Variants in GCFC2 observed in about 807,000 individuals in gnomAD.
The protein encoded by GCFC2 is intron Large complex component GCFC2.
A neutral mutation model predicts 99.4 loss-of-function variants in GCFC2; 102 were observed. The ratio of observed to expected loss-of-function variants is 1.03; its 90% CI spans 0.87 to 1.21. The LOEUF (loss-of-function observed/expected upper bound fraction) is 1.21, where lower values mean the gene tolerates loss of function less well. GCFC2 is among the 50% of genes most tolerant of loss of function. The pLI is 0.00. For missense variants in GCFC2, 973 were observed against 920.9 expected, an observed-to-expected ratio of 1.06 and a Z score of -0.73; for synonymous variants, 338 against 316.8, an observed-to-expected ratio of 1.07 and a Z score of -0.71.
At position 75,673,647 on chromosome 2, in the gene GCFC2, A is replaced by G. The variant is rs1011561923; in HGVS notation, c.1813-127T>C. The G allele has an allele frequency of 4.4e-5, 27 of 613,306 alleles. No individual in the cohort carries two copies. The East Asian group carries it at 7.3e-4, about 17-fold the overall frequency. The allele number at this position is 613,306 out of a possible 1,614,324, so 38.0% of individuals were successfully genotyped here. A position where few individuals can be genotyped will look rare whatever the true frequency, so the allele number is the denominator to read the frequency against. On this transcript the variant is annotated intron_variant, in intron 12 of 16. Transcript: ENST00000321027. ...TAACCAGCTGTTAAAATAACTATCA[A>G]TTGGGTACAAAAAAAACCTTATTTA...
intron 1 of GCFC2, among the ~76,000 whole-genome samples, chr2:75,709,537 T>TG (rs1307149697): frequency 6.6e-6 from 1 of 151,968 alleles, no homozygotes; most frequent in Non-Finnish European, 1.5e-5. Flanking sequence ...AGTCGAGTAG[T>TG]GGTTAGAAGG....
intron 13 of GCFC2, among the ~76,000 whole-genome samples, chr2:75,673,176 G>A (rs1002844555): frequency 2.6e-5 from 4 of 152,138 alleles, no homozygotes; most frequent in South Asian, 2.1e-4. Context: ...CGGGCGTGGT[G>A]GCGGGCGCCT....
intron 14 of GCFC2, among the ~76,000 whole-genome samples, chr2:75,671,690 A>T (rs1347065678): frequency 6.6e-6 from 1 of 152,160 alleles, no homozygotes; most frequent in Admixed American, 6.5e-5. Context: ...TTTAAACAAA[A>T]TATTTTGTAC....
intron 4 of GCFC2, among the ~76,000 whole-genome samples, chr2:75,700,714 T>C (rs1325238483): frequency 6.6e-6 from 1 of 152,176 alleles, no homozygotes; most frequent in Non-Finnish European, 1.5e-5. Context: ...TAAGATAATA[T>C]GCACAGTGTA....
chr2:75,684,612 G>A (rs747145892), intron 11 of GCFC2, among the ~76,000 whole-genome samples: 1 of 152,230 alleles, frequency 6.6e-6, no homozygotes, highest in Non-Finnish European at 1.5e-5. Context: ...TGGTGGGACT[G>A]TAAACTAGTT....
chr2:75,710,871 GC>G lies in GCFC2; in HGVS notation c.-17del. 6.5e-7 allele frequency: 1 copy of G among 1,535,324 alleles called. No homozygotes were observed. The highest frequency in any genetic ancestry group is 1.2e-5 in the South Asian group (1 of 84,910). On this transcript the variant is annotated 5_prime_UTR_variant, in exon 1 of 17. Transcript: ENST00000321027. Reference sequence around the variant, plus strand: ...TGTGAGCCATGGCCGAGGCCCGAGCGCCCGGCGCCCTAGAACCCGCTGAACC... The same window carrying G: ...TGTGAGCCATGGCCGAGGCCCGAGCGCCGGCGCCCTAGAACCCGCTGAACC...
At chr2:75,665,312 A>G (rs2104170862) in intron 16 of GCFC2, among the ~76,000 whole-genome samples, 1 of 152,148 alleles carries the variant, frequency 6.6e-6, no homozygotes, top group Non-Finnish European at 1.5e-5. Flanking sequence ...CACCATGCCT[A>G]GCTAATTTTT....
At chr2:75,692,797 G>A (rs983920519) in intron 6 of GCFC2, among the ~76,000 whole-genome samples, 2 of 152,078 alleles carry the variant, frequency 1.3e-5, no homozygotes, top group East Asian at 1.9e-4. Context: ...GTAGGTGGGG[G>A]CACTCAAAGC....
chr2:75,710,883 A>G lies in GCFC2; in HGVS notation c.-28T>C. On this transcript the variant is annotated 5_prime_UTR_variant, in exon 1 of 17. Coordinates refer to ENST00000321027, the MANE Select transcript of GCFC2 (RefSeq NM_003203.5). ...CCGAGGCCCGAGCGCCCGGCGCCCT[A>G]GAACCCGCTGAACCGCAAGCCGCAG... is the stretch of plus-strand genomic sequence containing the variant. The G allele has an allele frequency of 1.3e-6, 2 of 1,520,558 alleles. No individual in the cohort carries two copies. The highest frequency in any genetic ancestry group is 8.8e-7 in the Non-Finnish European group (1 of 1,140,720). The allele number at this position is 1,520,558 out of a possible 1,614,324, so 94.2% of individuals were successfully genotyped here.
chr2:75,678,436 T>C (rs1469630775), intron 12 of GCFC2, among the ~76,000 whole-genome samples: 1 of 152,200 alleles, frequency 6.6e-6, no homozygotes, highest in Non-Finnish European at 1.5e-5. Context: ...TTTTATCCTA[T>C]TGGAGGTAAG....
intron 15 of GCFC2, 107 bp from the exon 16 acceptor site, chr2:75,666,160 A>C: frequency 1.3e-6 from 1 of 778,246 alleles, no homozygotes; most frequent in Non-Finnish European, 2.0e-6. Context: ...TCCCCATTTT[A>C]TAGTTTATGG....
chr2:75,702,506 C>T lies in GCFC2; in HGVS notation c.395-83G>A, dbSNP rs143171601. The T allele has an allele frequency of 2.4e-3, 2,563 of 1,053,254 alleles. 6 individuals are homozygous for T. Among genetic ancestry groups the T allele is most frequent in the Non-Finnish European group, 3.0e-3 (2,211 of 735,528 alleles). 65.2% of individuals were successfully genotyped at this position (1,053,254 alleles called of 1,614,324 possible). A position where few individuals can be genotyped will look rare whatever the true frequency, so the allele number is the denominator to read the frequency against. On this transcript the variant is annotated intron_variant, in intron 2 of 16. Transcript: ENST00000321027. ...CTCACATTTAAGAAAAAGAAAAAAG[C>T]ACCATTTTCCTAAATTATTTGCTAT...
chr2:75,711,003 C>T, upstream of GCFC2: 1 of 1,343,520 alleles, frequency 7.4e-7, no homozygotes, highest in Non-Finnish European at 9.5e-7. Flanking sequence ...GCTACTCTGT[C>T]TGCGCCTGCG....
chr2:75,712,684 G>T (rs1370379981), upstream of GCFC2, among the ~76,000 whole-genome samples: 3 of 152,114 alleles, frequency 2.0e-5, no homozygotes, highest in African/African-American at 4.8e-5. Flanking sequence ...AACACTCACC[G>T]TGAAGATCTG....
intron 12 of GCFC2, among the ~76,000 whole-genome samples, chr2:75,674,495 T>C (rs1251892078): frequency 6.6e-6 from 1 of 152,076 alleles, no homozygotes; most frequent in Middle Eastern, 3.2e-3. Flanking sequence ...ATTAGGATTA[T>C]AACTTTGAAA....
chr2:75,713,082 C>CT (rs1321146207), upstream of GCFC2, among the ~76,000 whole-genome samples: 2 of 151,978 alleles, frequency 1.3e-5, no homozygotes, highest in Non-Finnish European at 2.9e-5. Flanking sequence ...TTGGCTTTGT[C>CT]TTTTTTTCTT....
intron 15 of GCFC2, among the ~76,000 whole-genome samples, chr2:75,668,971 A>G (rs895673247): frequency 3.3e-5 from 5 of 152,202 alleles, no homozygotes; most frequent in African/African-American, 1.2e-4. Context: ...TCCTGTGTTT[A>G]TAACACTGGA....
chr2:75,687,950 G>C lies in GCFC2; in HGVS notation c.1567C>G (p.Pro523Ala), dbSNP rs374198766. 6.3e-7 allele frequency: 1 copy of C among 1,595,620 alleles called. No individual in the cohort carries two copies. Among genetic ancestry groups the C allele is most frequent in the Non-Finnish European group, 8.5e-7 (1 of 1,170,320 alleles). The change falls in exon 11 of 17, where the codon CCA becomes GCA. Residue 523 changes from proline (P) to alanine (A), a missense_variant. Transcript: ENST00000321027. ...AATTCTTCTACAGATTTGAACCATG[G>C]CATCTCTTTTAAACCTGTGGATTCC... Reference protein sequence around the residue: ...KLESTGLKEMPWFKSVEEFMD... With the variant: ...KLESTGLKEMAWFKSVEEFMD...
upstream of GCFC2, among the ~76,000 whole-genome samples, chr2:75,711,663 T>A (rs1681189104): frequency 6.6e-6 from 1 of 152,186 alleles, no homozygotes; most frequent in Non-Finnish European, 1.5e-5. Flanking sequence ...GGGCCTGCAC[T>A]CGGAGCAGCC....
Sources: gnomAD v4.1 joint callset for allele counts (sites outside exome capture counted in the v4.1 genomes callset) on GRCh38, gnomAD v4.1.1 for gene constraint, MANE v1.5 for transcripts, NCBI Gene and HGNC (gene_info 2026-07-23, HGNC 2026-07-21) for gene names.